The following SLC15A2 variants were observed in gnomAD, a reference collection of about 807,000 sequenced individuals.
SLC15A2 encodes the protein kidney H(+)/peptide cotransporter.
A neutral mutation model predicts 95.5 loss-of-function variants in SLC15A2; 77 were observed. The observed-to-expected ratio is 0.81, with a 90% CI of 0.67 to 0.97. The LOEUF (loss-of-function observed/expected upper bound fraction) is 0.97. SLC15A2 is among the 50% of genes least tolerant of loss of function. The pLI, the probability that SLC15A2 is intolerant of heterozygous loss-of-function variation, is 0.00. For synonymous variants in SLC15A2, 306 were observed against 306.9 expected (o/e 1.00, Z 0.03); for missense variants, 893 against 874.4 (o/e 1.02, Z -0.27).
At chr3:121,909,338 C>T (rs982799070) in intron 3 of SLC15A2, among the ~76,000 whole-genome samples, 17 of 152,196 alleles carry the variant, frequency 1.1e-4, no homozygotes, top group Admixed American at 6.5e-4. Flanking sequence ...TCTGGGATTA[C>T]AGGGGTGAAC....
chr3:121,928,342 G>A, intron 14 of SLC15A2, 79 bp from the exon 15 acceptor site: 1 of 1,525,426 alleles, frequency 6.6e-7, no homozygotes. Context: ...TAGGCTGTCA[G>A]AAACAACTGA....
intron 3 of SLC15A2, among the ~76,000 whole-genome samples, chr3:121,905,482 A>T (rs1347290641): frequency 1.3e-5 from 2 of 152,192 alleles, no homozygotes; most frequent in Non-Finnish European, 2.9e-5. Context: ...TCTCGTGGGC[A>T]TTTAGTGCTA....
chr3:121,914,264 G>T (rs756739851), intron 5 of SLC15A2, among the ~76,000 whole-genome samples: 10 of 152,166 alleles, frequency 6.6e-5, no homozygotes, highest in African/African-American at 2.4e-5. Context: ...TAGAAAATGG[G>T]GAAGGACTCG....
chr3:121,902,434 T>C (rs1032932442), intron 3 of SLC15A2, among the ~76,000 whole-genome samples: 1 of 152,202 alleles, frequency 6.6e-6, no homozygotes, highest in African/African-American at 2.4e-5. Context: ...TAGGTATACA[T>C]GTGCCATGTT....
chr3:121,905,280 T>A (rs1395063676), intron 3 of SLC15A2, among the ~76,000 whole-genome samples: 2 of 152,222 alleles, frequency 1.3e-5, no homozygotes, highest in African/African-American at 4.8e-5. Context: ...ACCAATTTTG[T>A]TGATCTTTCA....
Position 121,924,379 on chromosome 3 carries a change from T to C in SLC15A2, c.1031T>C (p.Met344Thr). The change falls in exon 12 of 22, where the codon ATG (methionine) becomes ACG (threonine). Residue 344 changes from methionine to threonine, a missense_variant. By Grantham distance (81) the Met-to-Thr change is moderately conservative. Transcript: ENST00000489711. The stretch of plus-strand genomic sequence containing the variant: ...TTTTTTGTGCTTCAGCCGGACCAGA[T>C]GCAGGTATGTGACTCTTCTATAGCC... ...LGFFVLQPDQ[M>T]QVLNPLLVLI... 2 of 1,613,564 alleles carry C rather than the reference T, an allele frequency of 1.2e-6. No individual in the cohort carries two copies. The highest frequency in any genetic ancestry group is 2.7e-5 in the African/African-American group (2 of 75,034).
In SLC15A2 at chr3:121,923,115, C is replaced by T. The variant is rs748019407; in HGVS notation, c.943C>T (p.Leu315Phe). The T allele has an allele frequency of 1.9e-5, 31 of 1,613,824 alleles. No individual in the cohort carries two copies. The highest frequency in any genetic ancestry group is 2.4e-5 in the Non-Finnish European group (28 of 1,179,874). ...LYIPLPMFWA[L>F]LDQQGSRWTL... ...TATCCCATTGCCCATGTTCTGGGCTCTTTTGGATCAGCAGGTAAGAATAGT... is the reference window on the plus strand; with the variant it reads ...TATCCCATTGCCCATGTTCTGGGCTTTTTTGGATCAGCAGGTAAGAATAGT... The change falls in exon 10 of 22, where the codon CTT (leucine) becomes TTT (phenylalanine). Residue 315 changes from leucine (L) to phenylalanine (F), a missense_variant. Leu to Phe is a conservative substitution (Grantham distance 22). Transcript: ENST00000489711.
chr3:121,909,811 ATT>A (rs35943712), intron 3 of SLC15A2, among the ~76,000 whole-genome samples: 1 of 149,494 alleles, frequency 6.7e-6, no homozygotes, highest in Non-Finnish European at 1.5e-5. Context: ...ACATTATTAG[ATT>A]TTTTTTTTTA....
chr3:121,910,032 T>C (rs915386488), intron 3 of SLC15A2, among the ~76,000 whole-genome samples: 1 of 151,988 alleles, frequency 6.6e-6, no homozygotes, highest in Non-Finnish European at 1.5e-5. Context: ...CTGTTTGGGG[T>C]TCATGATAGC....
At chr3:121,928,632 C>T (rs1710169309) in intron 15 of SLC15A2, 77 bp downstream of exon 15, 1 of 1,454,184 alleles carries the variant, frequency 6.9e-7, no homozygotes, top group East Asian at 2.3e-5. Flanking sequence ...TTAATTGTAT[C>T]ATAAGCATCT....
chr3:121,922,858 T>C lies in SLC15A2; in HGVS notation c.864T>C (p.Tyr288=), dbSNP rs199536151. Residue 288 remains tyrosine (Y), a synonymous_variant, in exon 9 of 22, where the codon TAT becomes TAC. Coordinates refer to ENST00000489711, the MANE Select transcript of SLC15A2 (RefSeq NM_021082.4). The part of the protein sequence containing the change: ...QHWLDWAAEK[Y]PKQLIMDVKA... ...GGCTAGACTGGGCGGCTGAGAAATA[T>C]CCAGTAAGTTGGAAATGCAGAAACA... is the stretch of plus-strand genomic sequence containing the variant. 3.2e-5 allele frequency: 52 copies of C among 1,612,888 alleles called. No individual in the cohort carries two copies. In the East Asian group the frequency reaches 1.1e-3, roughly 33 times the overall value.
At position 121,910,192 on chromosome 3, in the gene SLC15A2, CTTTTTTT is replaced by C. The variant is rs35492489; in HGVS notation, c.336-1367_336-1361del. Among the ~76,000 whole-genome samples, 95 of 126,950 alleles carry C rather than the reference CTTTTTTT, an allele frequency of 7.5e-4. 1 individual carries two copies. The highest frequency in any genetic ancestry group is 4.6e-3 in the Middle Eastern group (1 of 216). The allele number at this position is 126,950 out of a possible 152,430, so 83.3% of individuals were successfully genotyped here. A position where few individuals can be genotyped will look rare whatever the true frequency, so the allele number is the denominator to read the frequency against. ...AATTAGTCCTAGATTAGTCACCTAA[CTTTTTTT>C]TTTTTTTTTTTTTTGAGACGGAGTC... On this transcript the variant is annotated intron_variant, in intron 3 of 21. Transcript: ENST00000489711.
chr3:121,925,052 T>C lies in SLC15A2; in HGVS notation c.1124+19T>C, dbSNP rs2107598844. On this transcript the variant is annotated intron_variant, in intron 13 of 21. Coordinates refer to ENST00000489711, the MANE Select transcript of SLC15A2 (RefSeq NM_021082.4). ...ACTTCTCGTAAGTGTTCACTATGTCTGTATGGATTACTCTAAATTGACTCA... is the reference window on the plus strand; with the variant it reads ...ACTTCTCGTAAGTGTTCACTATGTCCGTATGGATTACTCTAAATTGACTCA... 6.7e-7 allele frequency: 1 copy of C among 1,488,328 alleles called. No individual in the cohort carries two copies. The highest frequency in any genetic ancestry group is 9.4e-7 in the Non-Finnish European group (1 of 1,065,260). 92.2% of individuals were successfully genotyped at this position (1,488,328 alleles called of 1,614,324 possible). A position where few individuals can be genotyped will look rare whatever the true frequency, so the allele number is the denominator to read the frequency against.
chr3:121,938,047 GC>G (rs1710383159), intron 19 of SLC15A2, among the ~76,000 whole-genome samples: 1 of 151,746 alleles, frequency 6.6e-6, no homozygotes, highest in Non-Finnish European at 1.5e-5. Flanking sequence ...GTCTGCCCCT[GC>G]TGGGGGGTGC....
At position 121,939,367 on chromosome 3, in the gene SLC15A2, C is replaced by T; in HGVS notation, c.1780C>T (p.Gln594Ter). The T allele has an allele frequency of 1.9e-6, 3 of 1,551,386 alleles. No individual in the cohort carries two copies. Among genetic ancestry groups the T allele is most frequent in the Non-Finnish European group, 2.6e-6 (3 of 1,150,644 alleles). Residue 594 changes from glutamine (Q) to a stop codon, truncating the protein, a stop_gained, in exon 20 of 22, where the codon CAG (glutamine) becomes TAG (stop). Transcript: ENST00000489711. LOFTEE classifies it high-confidence loss of function. Reference protein sequence around the residue: ...VITNNTNQGLQAWKIEDIPAN... With the variant: ...VITNNTNQGL Reference sequence around the variant, plus strand: ...CCCTAAGAACACCAATCAGGGTCTTCAGGCCTGGAAGATTGAAGACATTCC... The same window carrying T: ...CCCTAAGAACACCAATCAGGGTCTTTAGGCCTGGAAGATTGAAGACATTCC...
Position 121,927,781 on chromosome 3 carries a change from G to A in SLC15A2, c.1148G>A (p.Gly383Asp). The part of the protein sequence containing the change: ...NFSSLRKMAV[G>D]MILACLAFAV... Reference sequence around the variant, plus strand: ...AGATCACTTAGGAAAATGGCTGTTGGTATGATCCTAGCATGCCTGGCATTT... The same window carrying A: ...AGATCACTTAGGAAAATGGCTGTTGATATGATCCTAGCATGCCTGGCATTT... The change falls in exon 14 of 22, where the codon GGT (glycine) becomes GAT (aspartate). Residue 383 changes from glycine to aspartate, a missense_variant. Physicochemically the swap from Gly to Asp is moderately conservative, Grantham distance 94. Coordinates refer to ENST00000489711, the MANE Select transcript of SLC15A2 (RefSeq NM_021082.4). 6.2e-7 allele frequency: 1 copy of A among 1,613,762 alleles called. No individual in the cohort carries two copies. The highest frequency in any genetic ancestry group is 1.1e-5 in the South Asian group (1 of 91,070).
chr3:121,896,537 C>A, intron 2 of SLC15A2, 44 bp downstream of exon 2: 2 of 1,428,482 alleles, frequency 1.4e-6, no homozygotes, highest in Non-Finnish European at 2.0e-6. Flanking sequence ...CTCCACCCAC[C>A]CTCACCCCAT....
intron 19 of SLC15A2, among the ~76,000 whole-genome samples, chr3:121,936,354 TG>T (rs1276536434): frequency 6.6e-6 from 1 of 152,162 alleles, no homozygotes; most frequent in East Asian, 1.9e-4. Context: ...TGTCTAATGT[TG>T]ACAGTGGGGT....
intron 3 of SLC15A2, among the ~76,000 whole-genome samples, chr3:121,903,659 G>T (rs1298271309): frequency 6.6e-6 from 1 of 152,178 alleles, no homozygotes; most frequent in Non-Finnish European, 1.5e-5. Context: ...TCAGATGGTT[G>T]TAGATGTGTG....
Sources: gnomAD v4.1 joint callset for allele counts (sites outside exome capture counted in the v4.1 genomes callset) on GRCh38, gnomAD v4.1.1 for gene constraint, MANE v1.5 for transcripts, NCBI Gene and HGNC (gene_info 2026-07-23, HGNC 2026-07-21) for gene names.